Variants in RASEF observed in about 807,000 individuals in gnomAD.
RASEF encodes the protein RAS and EF-hand domain containing, also known as ras and EF-hand domain-containing protein.
Under a neutral mutation model 90.1 loss-of-function variants are expected in RASEF, and 68 were observed. That is an observed-to-expected ratio of 0.75 (90% confidence interval 0.62 to 0.92). The LOEUF is 0.92. RASEF is among the 40% of genes least tolerant of loss of function. The pLI, the probability that RASEF is intolerant of heterozygous loss-of-function variation, is 0.00. For missense variants in RASEF, 949 were observed against 937.2 expected (o/e 1.01, Z -0.16); for synonymous variants, 331 against 345.2 (o/e 0.96, Z 0.46).
chr9:83,151,336 G>A, the RASEF span, among the ~76,000 whole-genome samples: 2 of 152,146 alleles, frequency 1.3e-5, no homozygotes, highest in Non-Finnish European at 2.9e-5. Flanking sequence ...TTTCCAAGAG[G>A]CCTGTTAGGG....
At chr9:83,062,361 G>T (rs1830222305) in intron 1 of RASEF, 76 bp downstream of exon 1, 2 of 1,455,342 alleles carry the variant, frequency 1.4e-6, no homozygotes, top group Non-Finnish European at 1.9e-6. Context: ...CATTGGGTCT[G>T]CACACCTGCA....
intron 14 of RASEF, among the ~76,000 whole-genome samples, chr9:82,993,545 G>A (rs1310899317): frequency 1.3e-5 from 2 of 152,156 alleles, no homozygotes; most frequent in African/African-American, 2.4e-5. Flanking sequence ...AAAACACACA[G>A]TAATTTTTCA....
chr9:83,113,762 G>T, the RASEF span, among the ~76,000 whole-genome samples: 2 of 152,132 alleles, frequency 1.3e-5, no homozygotes. Flanking sequence ...TAGTCAGACC[G>T]GTTCTCTGCT....
At chr9:83,184,498 T>C in the RASEF span, among the ~76,000 whole-genome samples, 1 of 152,156 alleles carries the variant, frequency 6.6e-6, no homozygotes, top group Non-Finnish European at 1.5e-5. Context: ...TACGTGGTTT[T>C]ATGGGGGCTT....
chr9:83,048,505 G>A (rs945997030), intron 1 of RASEF: 14 of 984,994 alleles, frequency 1.4e-5, no homozygotes, highest in East Asian at 1.1e-4. Flanking sequence ...TCAGTGCCTC[G>A]TGCAGTCCTG....
the RASEF span, among the ~76,000 whole-genome samples, chr9:83,201,397 G>C: frequency 5.9e-5 from 9 of 152,216 alleles, no homozygotes; most frequent in Admixed American, 3.3e-4. Context: ...CTTGGACGTA[G>C]AGGATGCCAG....
Position 83,036,388 on chromosome 9 carries a change from T to C in RASEF, c.432-10467A>G, listed in dbSNP as rs17085984. On this transcript the variant is annotated intron_variant, in intron 1 of 16. Coordinates refer to ENST00000376447, the MANE Select transcript of RASEF (RefSeq NM_152573.4). ...GCCGTGTGGTCAAGTCAGTGGGAAA[T>C]TGGAAAATTACAAGCATAGTGCACA... is the stretch of plus-strand genomic sequence containing the variant. Among the ~76,000 whole-genome samples, 734 of 152,238 alleles carry C rather than the reference T, an allele frequency of 4.8e-3. 10 individuals are homozygous for C. The highest frequency in any genetic ancestry group is 0.017 in the African/African-American group (705 of 41,530).
At chr9:83,156,805 C>T in the RASEF span, among the ~76,000 whole-genome samples, 3 of 152,076 alleles carry the variant, frequency 2.0e-5, no homozygotes, top group African/African-American at 7.2e-5. Flanking sequence ...TTTAATTATG[C>T]TAAGTTGGGA....
At chr9:83,011,493 A>C (rs1829242248) in intron 5 of RASEF, among the ~76,000 whole-genome samples, 1 of 135,708 alleles carries the variant, frequency 7.4e-6, no homozygotes, top group Non-Finnish European at 1.5e-5. Context: ...TGGAGGTTGC[A>C]GTGAGCCAAG....
chr9:83,046,182 A>C (rs1241784338), intron 1 of RASEF, among the ~76,000 whole-genome samples: 1 of 152,160 alleles, frequency 6.6e-6, no homozygotes, highest in African/African-American at 2.4e-5. Context: ...TTATTTCATC[A>C]TCACCCAGGT....
intron 3 of RASEF, among the ~76,000 whole-genome samples, chr9:83,018,720 T>C (rs971623497): frequency 2.6e-5 from 4 of 152,116 alleles, no homozygotes; most frequent in Admixed American, 2.6e-4. Context: ...AGACATACTA[T>C]AAACCAATAG....
the RASEF span, among the ~76,000 whole-genome samples, chr9:83,195,071 A>G: frequency 1.4e-4 from 21 of 152,338 alleles, no homozygotes; most frequent in Admixed American, 1.4e-3. Context: ...TGTCTGTGAC[A>G]GGCTTGGCCT....
chr9:83,144,311 A>AAAAGAAAGAAAGAAGGAAAG, the RASEF span, among the ~76,000 whole-genome samples: 1 of 102,754 alleles, frequency 9.7e-6, no homozygotes, highest in African/African-American at 3.7e-5. Context: ...AGCTGACACT[A>AAAAGAAAGAAAGAAGGAAAG]AAAGAAAGAA....
the RASEF span, among the ~76,000 whole-genome samples, chr9:83,161,101 C>G: frequency 6.6e-6 from 1 of 152,084 alleles, no homozygotes; most frequent in African/African-American, 2.4e-5. Context: ...GGGTCTGAGC[C>G]CCCCCCACAG....
chr9:83,213,399 GAAAAA>G, the RASEF span, among the ~76,000 whole-genome samples: 1 of 104,692 alleles, frequency 9.6e-6, no homozygotes, highest in African/African-American at 3.3e-5. Flanking sequence ...GACTTCATCT[GAAAAA>G]AAAAAAAAAA....
chr9:83,200,422 G>A, the RASEF span, among the ~76,000 whole-genome samples: 2 of 152,040 alleles, frequency 1.3e-5, no homozygotes, highest in Non-Finnish European at 2.9e-5. Flanking sequence ...CTTCTAAAAA[G>A]ATGCACAAAC....
At chr9:83,180,074 A>G in the RASEF span, among the ~76,000 whole-genome samples, 1 of 152,162 alleles carries the variant, frequency 6.6e-6, no homozygotes, top group Admixed American at 6.6e-5. Context: ...ATCCCTTTTC[A>G]CTATATGCCT....
the RASEF span, among the ~76,000 whole-genome samples, chr9:83,101,690 T>C: frequency 6.6e-6 from 1 of 152,214 alleles, no homozygotes; most frequent in African/African-American, 2.4e-5. Flanking sequence ...TAACCTTCCA[T>C]AACGTTGCTG....
At chr9:83,049,280 A>G (rs1829996460) in intron 1 of RASEF, 1 of 984,316 alleles carries the variant, frequency 1.0e-6, no homozygotes, top group African/African-American at 1.7e-5. Flanking sequence ...CATTTACAAA[A>G]TCAATGACAT....
Sources: gnomAD v4.1 joint callset for allele counts (sites outside exome capture counted in the v4.1 genomes callset) on GRCh38, gnomAD v4.1.1 for gene constraint, MANE v1.5 for transcripts, NCBI Gene and HGNC (gene_info 2026-07-23, HGNC 2026-07-21) for gene names.